The following CSMD3 variants were observed in gnomAD, a reference collection of about 807,000 sequenced individuals.
The protein encoded by CSMD3 is CUB and Sushi multiple domains 3, also known as CUB and sushi domain-containing protein 3.
In CSMD3, 177 loss-of-function variants were observed where a neutral mutation model predicts 435.2. The observed-to-expected ratio is 0.41, with a 90% CI of 0.36 to 0.46. CSMD3 has a LOEUF of 0.46. Among genes scored for constraint, CSMD3 ranks in the 20% least tolerant of loss-of-function variants. CSMD3 has a pLI of 0.34. For synonymous variants in CSMD3, 1,656 were observed against 1,520.5 expected, an observed-to-expected ratio of 1.09 and a Z score of -2.07; for missense variants, 4,265 against 4,504.6, an observed-to-expected ratio of 0.95 and a Z score of 1.52.
At chr8:112,771,471 G>A (rs2078112657) in intron 13 of CSMD3, among the ~76,000 whole-genome samples, 1 of 151,950 alleles carries the variant, frequency 6.6e-6, no homozygotes, top group Admixed American at 6.6e-5. Flanking sequence ...ACCAGGAGGT[G>A]GAGGTTGCAG....
At chr8:113,121,529 G>A (rs1211552624) in intron 4 of CSMD3, among the ~76,000 whole-genome samples, 1 of 152,096 alleles carries the variant, frequency 6.6e-6, no homozygotes, top group Non-Finnish European at 1.5e-5. Flanking sequence ...GAATAAAACA[G>A]TTTGGTCTCT....
At chr8:112,359,890 A>T (rs1207266926) in intron 38 of CSMD3, among the ~76,000 whole-genome samples, 1 of 152,006 alleles carries the variant, frequency 6.6e-6, no homozygotes, top group African/African-American at 2.4e-5. Context: ...TTAAATTGTG[A>T]CCTAATTTTA....
At chr8:112,699,027 A>G (rs761556882) in intron 13 of CSMD3, among the ~76,000 whole-genome samples, 20 of 152,110 alleles carry the variant, frequency 1.3e-4, no homozygotes, top group Non-Finnish European at 2.4e-4. Context: ...TGGACCCATC[A>G]GCACTCTGTA....
chr8:113,397,857 TAAA>T (rs2094491104), intron 1 of CSMD3, among the ~76,000 whole-genome samples: 3 of 146,484 alleles, frequency 2.0e-5, no homozygotes, highest in African/African-American at 7.8e-5. Flanking sequence ...AATAAATAAA[TAAA>T]TAAATAAAGA....
chr8:113,334,257 T>C (rs1008203334), intron 1 of CSMD3, among the ~76,000 whole-genome samples: 1 of 149,244 alleles, frequency 6.7e-6, no homozygotes, highest in Non-Finnish European at 1.5e-5. Flanking sequence ...TTACAATATC[T>C]GCAACTAGGG....
chr8:113,377,645 A>G (rs552889345), intron 1 of CSMD3, among the ~76,000 whole-genome samples: 1 of 152,330 alleles, frequency 6.6e-6, no homozygotes, highest in Admixed American at 6.5e-5. Context: ...ATTTTTACAA[A>G]CAATAGAAAC....
rs2084490081 is a variant in CSMD3 at position 112,968,033 on chromosome 8, G to A, written c.1342+7804C>T. 2.0e-5 allele frequency among the ~76,000 whole-genome samples: 3 copies of A among 151,776 alleles called. No individual in the cohort carries two copies. The South Asian group carries it at 6.2e-4, about 32-fold the overall frequency. On this transcript the variant is annotated intron_variant, in intron 7 of 70. Transcript: ENST00000297405. ...ATAACACTGCCTAAAAGAACAGCTAGGACTGGACCTCCAAATAAAGAAGTT... is the reference window on the plus strand; with the variant it reads ...ATAACACTGCCTAAAAGAACAGCTAAGACTGGACCTCCAAATAAAGAAGTT...
At chr8:112,751,623 T>C (rs1238858081) in intron 13 of CSMD3, among the ~76,000 whole-genome samples, 1 of 145,220 alleles carries the variant, frequency 6.9e-6, no homozygotes, top group African/African-American at 2.5e-5. Flanking sequence ...AAATAAGAAG[T>C]TTAGGTTTTT....
At chr8:113,376,500 TAAGAG>T (rs957459229) in intron 1 of CSMD3, among the ~76,000 whole-genome samples, 1 of 152,138 alleles carries the variant, frequency 6.6e-6, no homozygotes, top group African/African-American at 2.4e-5. Context: ...ACAAGACACT[TAAGAG>T]TAGGTGGCAA....
chr8:112,234,442 G>A lies in CSMD3; in HGVS notation c.10663C>T (p.Arg3555Cys), dbSNP rs752615934. The A allele has an allele frequency of 3.8e-5, 61 of 1,612,938 alleles. No homozygotes were observed. Among genetic ancestry groups the A allele is most frequent in the South Asian group, 3.5e-4 (32 of 91,056 alleles). ...GCAGGTACTTTAATAAGATATATGC[G>A]TAACATTAGGCGAGCTTCCTGGCTT... ...YKSQEARLMLRIYLIKVPAHA... is the reference protein window; with the variant it reads ...YKSQEARLMLCIYLIKVPAHA... The change falls in exon 68 of 71, where the codon CGC becomes TGC. Residue 3555 changes from arginine (R) to cysteine (C), a missense_variant. Arg to Cys is a radical substitution (Grantham distance 180). Around this residue, in one of 3 missense-constraint regions of CSMD3, gnomAD observed 3,255 missense variants for 3,380.2 expected, o/e 0.96. Transcript: ENST00000297405.
intron 12 of CSMD3, among the ~76,000 whole-genome samples, chr8:112,822,366 A>G (rs2079552441): frequency 6.6e-6 from 1 of 152,006 alleles, no homozygotes; most frequent in African/African-American, 2.4e-5. Context: ...GAGGTCCTTC[A>G]CATCCCTTGT....
chr8:113,421,730 T>C (rs945778405), intron 1 of CSMD3, among the ~76,000 whole-genome samples: 3 of 152,098 alleles, frequency 2.0e-5, no homozygotes, highest in Non-Finnish European at 2.9e-5. Flanking sequence ...AAGGAAGGAC[T>C]TTTTCTGGAA....
chr8:112,695,486 G>T (rs1017899763), intron 13 of CSMD3, among the ~76,000 whole-genome samples: 1 of 152,090 alleles, frequency 6.6e-6, no homozygotes, highest in African/African-American at 2.4e-5. Flanking sequence ...AAAATCACAT[G>T]ATTATCTCAA....
chr8:112,433,003 T>A (rs189440756), intron 32 of CSMD3, among the ~76,000 whole-genome samples: 1 of 152,278 alleles, frequency 6.6e-6, no homozygotes, highest in Admixed American at 6.5e-5. Context: ...GAAGAATATG[T>A]TAACTTTTTT....
chr8:112,802,169 CT>C (rs1274827805), intron 12 of CSMD3, among the ~76,000 whole-genome samples: 1 of 151,688 alleles, frequency 6.6e-6, no homozygotes, highest in Non-Finnish European at 1.5e-5. Context: ...TAAAACTCCC[CT>C]CAACTTCTCT....
intron 6 of CSMD3, among the ~76,000 whole-genome samples, chr8:112,988,439 T>G (rs770355244): frequency 1.3e-5 from 2 of 152,072 alleles, no homozygotes; most frequent in Non-Finnish European, 1.5e-5. Flanking sequence ...TACCTCTATG[T>G]TCTATTTTGT....
rs149214671 is a variant in CSMD3, at chr8:112,918,573, A to C, written c.1633+3054T>G. On this transcript the variant is annotated intron_variant, in intron 10 of 70. Coordinates refer to ENST00000297405, the MANE Select transcript of CSMD3 (RefSeq NM_198123.2). ...AATGAACATTCTACACATCTTCAAC[A>C]CATAAGGCTACTTTTTGCAAAAGCT... Among the ~76,000 whole-genome samples the C allele has an allele frequency of 5.6e-4, 85 of 151,966 alleles. 1 individual carries two copies. Among genetic ancestry groups the C allele is most frequent in the Non-Finnish European group, 1.0e-3 (69 of 67,890 alleles).
At chr8:112,806,597 T>G (rs2079093423) in intron 12 of CSMD3, among the ~76,000 whole-genome samples, 1 of 152,204 alleles carries the variant, frequency 6.6e-6, no homozygotes, top group African/African-American at 2.4e-5. Context: ...CTAAATCATG[T>G]TACTCTTTTA....
chr8:112,925,487 C>T (rs754922799), intron 9 of CSMD3, among the ~76,000 whole-genome samples: 3 of 151,594 alleles, frequency 2.0e-5, no homozygotes, highest in Non-Finnish European at 2.9e-5. Flanking sequence ...GGAGTGAACC[C>T]GGGAAGTGGA....
Sources: allele counts gnomAD v4.1 joint callset (sites outside exome capture counted in the v4.1 genomes callset), GRCh38; gene constraint gnomAD v4.1.1; regional missense constraint gnomAD v4.1.1; transcripts MANE v1.5; gene names NCBI Gene and HGNC (gene_info 2026-07-23, HGNC 2026-07-21).